NUP210L: variants seen among roughly 807,000 people sequenced by gnomAD.
The protein encoded by NUP210L is nuclear pore membrane glycoprotein 210-like.
In NUP210L, 74 loss-of-function variants were observed where a neutral mutation model predicts 208.5. The ratio of observed to expected loss-of-function variants is 0.35; its 90% CI spans 0.29 to 0.43. The LOEUF is 0.43. Among genes scored for constraint, NUP210L ranks in the 20% least tolerant of loss-of-function variants. NUP210L has a pLI of 1.00. For missense variants in NUP210L, 1,843 were observed against 2,289.4 expected (o/e 0.81, Z 3.98); for synonymous variants, 780 against 816.9 (o/e 0.95, Z 0.77).
At chr1:154,075,528 A>T (rs140497606) in intron 16 of NUP210L, among the ~76,000 whole-genome samples, 5 of 152,142 alleles carry the variant, frequency 3.3e-5, no homozygotes, top group African/African-American at 1.2e-4. Context: ...AAGAGTACAG[A>T]TGTTACAGAA....
intron 35 of NUP210L, among the ~76,000 whole-genome samples, chr1:154,002,339 C>G (rs1056853193): frequency 6.6e-6 from 1 of 152,000 alleles, no homozygotes; most frequent in Non-Finnish European, 1.5e-5. Context: ...CTCAGCCTCC[C>G]GAGTAGCTGG....
Position 154,136,043 on chromosome 1 carries a change from C to A in NUP210L, c.851-71G>T. On this transcript the variant is annotated intron_variant, in intron 6 of 39. Transcript: ENST00000368559. ...CAGTAGATAATGATGTATTCTTGAT[C>A]ATAAAGGAATGATCAGGAAGCAGAC... 2.9e-6 allele frequency: 3 copies of A among 1,041,240 alleles called. No homozygotes were observed. The South Asian group carries it at 4.0e-5, about 14-fold the overall frequency. 64.5% of individuals were successfully genotyped at this position (1,041,240 alleles called of 1,614,324 possible).
chr1:154,109,545 T>C (rs1656938814), intron 12 of NUP210L, among the ~76,000 whole-genome samples: 1 of 2,450 alleles, frequency 4.1e-4, no homozygotes, highest in Non-Finnish European at 0.026. Context: ...CAAAAGGATC[T>C]AATAGAATTT....
intron 15 of NUP210L, among the ~76,000 whole-genome samples, chr1:154,092,378 CTT>C (rs1166945485): frequency 1.5e-5 from 2 of 134,762 alleles, no homozygotes; most frequent in South Asian, 2.3e-4. Context: ...CGCGCCCGGC[CTT>C]TTTTTTTTTT....
intron 33 of NUP210L, among the ~76,000 whole-genome samples, chr1:154,016,618 C>T (rs1236699131): frequency 5.3e-5 from 8 of 152,116 alleles, no homozygotes; most frequent in Admixed American, 4.6e-4. Context: ...GTCTCCAAGT[C>T]CTTTTCTCCA....
intron 7 of NUP210L, among the ~76,000 whole-genome samples, chr1:154,130,169 T>C (rs1487070970): frequency 6.6e-6 from 1 of 152,040 alleles, no homozygotes; most frequent in Non-Finnish European, 1.5e-5. Context: ...TGAAACCCTG[T>C]CTTTACTAAA....
intron 1 of NUP210L, among the ~76,000 whole-genome samples, chr1:154,154,546 T>C (rs1475946970): frequency 2.0e-5 from 3 of 152,122 alleles, no homozygotes; most frequent in South Asian, 4.1e-4. Flanking sequence ...CGGCTGCTCA[T>C]AGTGACCACC....
intron 8 of NUP210L, 136 bp from the exon 9 acceptor site, chr1:154,127,553 C>CTTTTTTTTTTTT (rs10531787): frequency 1.7e-5 from 3 of 178,960 alleles, no homozygotes; most frequent in Non-Finnish European, 3.0e-5. Flanking sequence ...AAAGTAGGTT[C>CTTTTTTTTTTTT]TTTTTTTTTT....
intron 12 of NUP210L, among the ~76,000 whole-genome samples, chr1:154,115,844 C>T (rs1355045074): frequency 1.3e-5 from 2 of 151,570 alleles, no homozygotes; most frequent in African/African-American, 2.4e-5. Flanking sequence ...TGGGGCTGGG[C>T]GCAGTGGCTC....
chr1:153,999,583 A>G (rs2147884582), intron 37 of NUP210L, among the ~76,000 whole-genome samples: 1 of 152,012 alleles, frequency 6.6e-6, no homozygotes, highest in Non-Finnish European at 1.5e-5. Context: ...ACAAAAATAC[A>G]AAAATTAGCA....
At chr1:154,085,928 G>A (rs905013643) in intron 16 of NUP210L, among the ~76,000 whole-genome samples, 3 of 152,076 alleles carry the variant, frequency 2.0e-5, no homozygotes, top group African/African-American at 4.8e-5. Context: ...AAAATGAAGT[G>A]AGGCTGGGCA....
At position 154,109,358 on chromosome 1, in the gene NUP210L, T is replaced by C. The variant is rs1013927456; in HGVS notation, c.1621-5148A>G. Among the ~76,000 whole-genome samples the C allele has an allele frequency of 2.0e-5, 3 of 151,556 alleles. 1 individual carries two copies. Among genetic ancestry groups the C allele is most frequent in the African/African-American group, 4.9e-5 (2 of 40,872 alleles). Reference sequence around the variant, plus strand: ...AGAGGATATAACAATCATAAATATATATACACCCAATACTGGAGGATCCAG... The same window carrying C: ...AGAGGATATAACAATCATAAATATACATACACCCAATACTGGAGGATCCAG... On this transcript the variant is annotated intron_variant, in intron 12 of 39. Coordinates refer to ENST00000368559, the Ensembl canonical transcript of NUP210L.
Position 154,108,673 on chromosome 1 carries a change from G to C in NUP210L, c.1621-4463C>G, listed in dbSNP as rs536927662. Among the ~76,000 whole-genome samples, 279 of 151,794 alleles carry C rather than the reference G, an allele frequency of 1.8e-3. 6 individuals carry two copies. Among genetic ancestry groups the C allele is most frequent in the African/African-American group, 6.5e-3 (267 of 41,072 alleles). On this transcript the variant is annotated intron_variant, in intron 12 of 39. Transcript: ENST00000368559. ...AGGAAGAAGGCAGGAAGGAAGGACAGAAGGAAGAGAAGACCACAAAACAAC... is the reference window on the plus strand; with the variant it reads ...AGGAAGAAGGCAGGAAGGAAGGACACAAGGAAGAGAAGACCACAAAACAAC...
intron 10 of NUP210L, among the ~76,000 whole-genome samples, chr1:154,125,887 C>G (rs1246591620): frequency 6.7e-6 from 1 of 148,642 alleles, no homozygotes; most frequent in Non-Finnish European, 1.5e-5. Flanking sequence ...CCTGCCTCAG[C>G]CTCCCAAGTA....
chr1:153,996,177 A>T (rs1260316430), intron 37 of NUP210L, among the ~76,000 whole-genome samples: 2 of 152,072 alleles, frequency 1.3e-5, no homozygotes, highest in Non-Finnish European at 2.9e-5. Context: ...CTGTAGTCCC[A>T]GCTACTTGGG....
chr1:154,127,566 T>G, intron 8 of NUP210L, 149 bp from the exon 9 acceptor site: 2 of 468,312 alleles, frequency 4.3e-6, no homozygotes, highest in East Asian at 7.3e-5. Flanking sequence ...TTTTTTTTTT[T>G]TTTTTTTTGA....
exon 35 of NUP210L, chr1:154,009,997 G>A: frequency 1.2e-6 from 2 of 1,612,476 alleles, no homozygotes; most frequent in Non-Finnish European, 1.7e-6. Context: ...AATCTGAATG[G>A]ACCTGAAAGA....
chr1:154,119,687 T>C (rs866131418), intron 10 of NUP210L, among the ~76,000 whole-genome samples: 20 of 152,304 alleles, frequency 1.3e-4, no homozygotes, highest in African/African-American at 3.1e-4. Flanking sequence ...TTTTGGTATA[T>C]GTGGGGTCCT....
chr1:154,133,268 G>A (rs1189336518), intron 7 of NUP210L, among the ~76,000 whole-genome samples: 1 of 152,082 alleles, frequency 6.6e-6, no homozygotes, highest in African/African-American at 2.4e-5. Context: ...AACTATGCTA[G>A]GTAAAGACTG....
Sources: allele counts gnomAD v4.1 joint callset (sites outside exome capture counted in the v4.1 genomes callset), GRCh38; gene constraint gnomAD v4.1.1; transcripts MANE v1.5; gene names NCBI Gene and HGNC (gene_info 2026-07-23, HGNC 2026-07-21).